The following ALOXE3 variants were observed in gnomAD, a reference collection of about 807,000 sequenced individuals.
ALOXE3 encodes arachidonate epidermal lipoxygenase 3, also known as hydroperoxide isomerase ALOXE3.
A neutral mutation model predicts 87.5 loss-of-function variants in ALOXE3; 78 were observed. The observed-to-expected ratio is 0.89, with a 90% CI of 0.74 to 1.08. ALOXE3 has a LOEUF of 1.08. Among genes scored for constraint, ALOXE3 ranks in the 50% least tolerant of loss-of-function variants. ALOXE3 has a pLI of 0.00. For synonymous variants in ALOXE3, 363 were observed against 370.8 expected (o/e 0.98, Z 0.24); for missense variants, 946 against 912.4 (o/e 1.04, Z -0.47).
chr17:8,112,310 C>T (rs1028454478), intron 6 of ALOXE3, 114 bp from the exon 7 acceptor site: 22 of 776,396 alleles, frequency 2.8e-5, no homozygotes, highest in African/African-American at 2.5e-4. Context: ...AGTAGAGATG[C>T]CTAACAATCC....
At position 8,104,159 on chromosome 17, in the gene ALOXE3, T is replaced by C; in HGVS notation, c.1741A>G (p.Ile581Val). 6.2e-7 allele frequency: 1 copy of C among 1,613,926 alleles called. No individual in the cohort carries two copies. Among genetic ancestry groups the C allele is most frequent in the South Asian group, 1.1e-5 (1 of 91,064 alleles). ...GCGTGCTGGGCAGAGCAATTGAAGA[T>C]GATTGCAGTGAGGAACTTCACCATC... ...GEMVKFLTAIIFNCSAQHAAV... is the reference protein window; with the variant it reads ...GEMVKFLTAIVFNCSAQHAAV... Residue 581 changes from isoleucine (I) to valine (V), a missense_variant, in exon 14 of 16, where the codon ATC (isoleucine) becomes GTC (valine). Physicochemically the swap from Ile to Val is conservative, Grantham distance 29. Transcript: ENST00000448843.
At chr17:8,111,817 G>A (rs1037086901) in intron 7 of ALOXE3, among the ~76,000 whole-genome samples, 1 of 123,500 alleles carries the variant, frequency 8.1e-6, no homozygotes, top group East Asian at 1.9e-4. Context: ...TGTCCCTGAT[G>A]AGGATCAAGA....
chr17:8,117,063 T>TTG (rs1980665181), intron 2 of ALOXE3, 83 bp from the exon 3 acceptor site: 1 of 1,280,944 alleles, frequency 7.8e-7, no homozygotes, highest in Admixed American at 2.0e-5. Flanking sequence ...CATCTACACC[T>TTG]AAGCCTATTC....
At position 8,103,589 on chromosome 17, in the gene ALOXE3, G is replaced by T. The variant is rs746109083; in HGVS notation, c.1786-96C>A. On this transcript the variant is annotated intron_variant, in intron 14 of 15. Coordinates refer to ENST00000448843, the MANE Select transcript of ALOXE3 (RefSeq NM_021628.3). ...TGATTCCACCTCTGCCGTCCTAGAG[G>T]TGATAGTTGGGAAATGAGGGGATCA... 1.7e-4 allele frequency: 236 copies of T among 1,359,336 alleles called. 1 individual carries two copies. Among genetic ancestry groups the T allele is most frequent in the Non-Finnish European group, 3.8e-5 (37 of 969,288 alleles). 84.2% of individuals were successfully genotyped at this position (1,359,336 alleles called of 1,614,324 possible).
At chr17:8,113,079 C>G (rs1980241577) in intron 6 of ALOXE3, among the ~76,000 whole-genome samples, 1 of 152,184 alleles carries the variant, frequency 6.6e-6, no homozygotes, top group Non-Finnish European at 1.5e-5. Flanking sequence ...AGAAAGCCAT[C>G]TACTCCATCT....
chr17:8,099,198 C>T (rs896319693), intron 15 of ALOXE3, among the ~76,000 whole-genome samples: 1 of 152,004 alleles, frequency 6.6e-6, no homozygotes, highest in Non-Finnish European at 1.5e-5. Flanking sequence ...CACGTAAGCA[C>T]TGTACATGAA....
chr17:8,116,629 G>T, intron 3 of ALOXE3, 147 bp downstream of exon 3: 4 of 969,104 alleles, frequency 4.1e-6, no homozygotes, highest in Admixed American at 2.0e-5. Flanking sequence ...GGCTTGAGAG[G>T]CTCCCTTTTT....
At chr17:8,111,735 T>C (rs1399767274) in intron 7 of ALOXE3, among the ~76,000 whole-genome samples, 1 of 152,122 alleles carries the variant, frequency 6.6e-6, no homozygotes, top group African/African-American at 2.4e-5. Context: ...AGAGCAGGGA[T>C]TTGAGAACCT....
Position 8,118,470 on chromosome 17 carries a change from G to A in ALOXE3, c.-314+16C>T. ...CTGTTCCTCCCCATTCCCAGGCAGA[G>A]ATGAGCACAGGGCACCTGCATTCCT... is the stretch of plus-strand genomic sequence containing the variant. On this transcript the variant is annotated intron_variant, in intron 1 of 15. Transcript: ENST00000448843. 1.3e-6 allele frequency: 2 copies of A among 1,548,702 alleles called. No individual in the cohort carries two copies. The highest frequency in any genetic ancestry group is 2.4e-5 in the South Asian group (2 of 84,062).
chr17:8,098,344 T>G (rs984413672), intron 15 of ALOXE3, among the ~76,000 whole-genome samples: 1 of 66,196 alleles, frequency 1.5e-5, no homozygotes, highest in African/African-American at 4.9e-5. Flanking sequence ...GATCAAGTGA[T>G]TTCTCCTGCC....
intron 15 of ALOXE3, among the ~76,000 whole-genome samples, chr17:8,102,291 G>A (rs750089356): frequency 1.2e-4 from 19 of 152,138 alleles, no homozygotes; most frequent in Admixed American, 6.5e-4. Flanking sequence ...TCAGGAATTC[G>A]AGACCAGCCT....
chr17:8,111,316 C>T (rs746298111), intron 8 of ALOXE3, 43 bp downstream of exon 8: 3 of 1,609,444 alleles, frequency 1.9e-6, no homozygotes, highest in East Asian at 4.5e-5. Flanking sequence ...GGTGACACAC[C>T]CACCTCCCAC....
chr17:8,117,551 C>G (rs1980705153), intron 2 of ALOXE3, among the ~76,000 whole-genome samples: 1 of 152,210 alleles, frequency 6.6e-6, no homozygotes, highest in Non-Finnish European at 1.5e-5. Context: ...TAAGAGGAAA[C>G]CCAGGCTCAG....
Position 8,114,941 on chromosome 17 carries a change from T to C in ALOXE3, c.551A>G (p.Asp184Gly). ...TKTTTCVDQG[D>G]SSGNRYLPGF... ...CTTCCCAAGCTTTAATCTTCACCTGTCACCCTGGTCTACACAAGTTGTCGT... is the reference window on the plus strand; with the variant it reads ...CTTCCCAAGCTTTAATCTTCACCTGCCACCCTGGTCTACACAAGTTGTCGT... The change falls in exon 5 of 16, where the codon GAC becomes GGC. Residue 184 changes from aspartate to glycine, a missense_variant. Coordinates refer to ENST00000448843, the MANE Select transcript of ALOXE3 (RefSeq NM_021628.3). The C allele has an allele frequency of 6.2e-7, 1 of 1,613,966 alleles. No individual in the cohort carries two copies. The highest frequency in any genetic ancestry group is 2.2e-5 in the East Asian group (1 of 44,862).
chr17:8,115,525 T>A (rs1165690007), intron 4 of ALOXE3, 82 bp downstream of exon 4: 6 of 1,424,418 alleles, frequency 4.2e-6, no homozygotes, highest in South Asian at 1.2e-5. Context: ...AGGTTGAGAA[T>A]GAGGTTAGAG....
intron 15 of ALOXE3, 55 bp downstream of exon 15, chr17:8,103,268 A>G: frequency 6.2e-7 from 1 of 1,602,772 alleles, no homozygotes; most frequent in Non-Finnish European, 8.5e-7. Flanking sequence ...AGCCACCACC[A>G]CCCCTACTGG....
At chr17:8,111,610 A>C in intron 7 of ALOXE3, 79 bp from the exon 8 acceptor site, 2 of 1,514,116 alleles carry the variant, frequency 1.3e-6, no homozygotes, top group Non-Finnish European at 1.8e-6. Flanking sequence ...TTTGCTTATC[A>C]TTGTGGTTTA....
chr17:8,114,272 G>C (rs1005081838), intron 6 of ALOXE3, among the ~76,000 whole-genome samples: 6 of 147,244 alleles, frequency 4.1e-5, no homozygotes, highest in African/African-American at 1.5e-4. Context: ...GGGGAACTGG[G>C]GAGCACAAGG....
In ALOXE3 at chr17:8,107,934, AAAG is replaced by A. The variant is rs1567996541; in HGVS notation, c.1684+531_1684+533del. On this transcript the variant is annotated intron_variant, in intron 13 of 15. Coordinates refer to ENST00000448843, the MANE Select transcript of ALOXE3 (RefSeq NM_021628.3). Reference sequence around the variant, plus strand: ...GAAAGAAAGAAAGAAAGAAAGAAAGAAAGAAAGAAAGAAAGAAAGAAAGAAAGG... The same window carrying A: ...GAAAGAAAGAAAGAAAGAAAGAAAGAAAAGAAAGAAAGAAAGAAAGAAAGG... Among the ~76,000 whole-genome samples, 16 of 5,664 alleles carry A rather than the reference AAAG, an allele frequency of 2.8e-3. 4 individuals are homozygous for A. The highest frequency in any genetic ancestry group is 0.013 in the Admixed American group (9 of 682). The allele number at this position is 5,664 out of a possible 152,430, so 3.7% of individuals were successfully genotyped here.
Sources: gnomAD v4.1 joint callset for allele counts (sites outside exome capture counted in the v4.1 genomes callset) on GRCh38, gnomAD v4.1.1 for gene constraint, MANE v1.5 for transcripts, NCBI Gene and HGNC (gene_info 2026-07-23, HGNC 2026-07-21) for gene names.